ZBTB7C: variants seen among roughly 807,000 people sequenced by gnomAD.
The protein encoded by ZBTB7C is zinc finger and BTB domain containing 7C.
A neutral mutation model predicts 25.7 loss-of-function variants in ZBTB7C; 8 were observed. The observed-to-expected ratio is 0.31, with a 90% CI of 0.18 to 0.56. The LOEUF (loss-of-function observed/expected upper bound fraction) is 0.56. ZBTB7C is among the 20% of genes least tolerant of loss of function. The probability of loss-of-function intolerance (pLI) is 0.91; values close to 1 mark genes in which losing one functional copy is unlikely to be tolerated. For synonymous variants in ZBTB7C, 394 were observed against 369.0 expected, an observed-to-expected ratio of 1.07 and a Z score of -0.78; for missense variants, 824 against 855.2, an observed-to-expected ratio of 0.96 and a Z score of 0.46.
rs1434081332 is a variant in ZBTB7C, at chr18:48,027,933, C to T, written c.*1327G>A. The T allele has an allele frequency of 6.6e-6, 1 of 152,246 alleles. No homozygotes were observed. The highest frequency in any genetic ancestry group is 1.5e-5 in the Non-Finnish European group (1 of 68,092). The allele number at this position is 152,246 out of a possible 1,614,324, so 9.4% of individuals were successfully genotyped here. Reference sequence around the variant, plus strand: ...GAGAACATGTGACAACTCTAACTCACAGAGCCCTTCAAACCTCAGAGGCCT... The same window carrying T: ...GAGAACATGTGACAACTCTAACTCATAGAGCCCTTCAAACCTCAGAGGCCT... On this transcript the variant is annotated 3_prime_UTR_variant, in exon 5 of 5. Coordinates refer to ENST00000590800, the MANE Select transcript of ZBTB7C (RefSeq NM_001318841.2).
intron 3 of ZBTB7C, among the ~76,000 whole-genome samples, chr18:48,070,621 G>A (rs981384003): frequency 8.5e-5 from 13 of 152,180 alleles, no homozygotes; most frequent in East Asian, 3.8e-4. Flanking sequence ...CAAGGAGGCC[G>A]TAGTTTGCAT....
At chr18:48,391,599 C>G (rs764549472) in intron 1 of ZBTB7C, among the ~76,000 whole-genome samples, 1 of 151,510 alleles carries the variant, frequency 6.6e-6, no homozygotes, top group Non-Finnish European at 1.5e-5. Flanking sequence ...TATTCTGATC[C>G]TCAGCTGTTA....
In ZBTB7C at chr18:48,196,985, G is replaced by T. The variant is rs73431397; in HGVS notation, c.-78-10990C>A. Among the ~76,000 whole-genome samples the T allele has an allele frequency of 6.0e-3, 913 of 152,308 alleles. 6 individuals are homozygous for T. The highest frequency in any genetic ancestry group is 0.02 in the African/African-American group (832 of 41,568). ...CCCACAACCAATGTGTTTCAGGGGT[G>T]GGTCATGGTTGGCTTAAGTGAATCA... On this transcript the variant is annotated intron_variant, in intron 2 of 4. Transcript: ENST00000590800.
At chr18:48,137,894 C>A (rs2040225121) in intron 3 of ZBTB7C, among the ~76,000 whole-genome samples, 1 of 152,274 alleles carries the variant, frequency 6.6e-6, no homozygotes, top group South Asian at 2.1e-4. Context: ...CTTCAAACCT[C>A]ACACAAACCT....
At chr18:48,159,290 T>C (rs953636975) in intron 3 of ZBTB7C, among the ~76,000 whole-genome samples, 6 of 152,224 alleles carry the variant, frequency 3.9e-5, no homozygotes, top group African/African-American at 1.4e-4. Context: ...GGTCTTCTAC[T>C]TAATCAACCT....
At chr18:48,255,823 C>A (rs946645614) in intron 2 of ZBTB7C, among the ~76,000 whole-genome samples, 1 of 152,128 alleles carries the variant, frequency 6.6e-6, no homozygotes, top group African/African-American at 2.4e-5. Context: ...GTAATTTTGT[C>A]TTTTTCAGAT....
chr18:48,353,477 G>C (rs549415025), intron 1 of ZBTB7C, among the ~76,000 whole-genome samples: 41 of 152,240 alleles, frequency 2.7e-4, no homozygotes, highest in Non-Finnish European at 4.6e-4. Flanking sequence ...GGCACTGTTT[G>C]GGGGAGTTTG....
chr18:48,388,315 A>AT (rs138959140), intron 1 of ZBTB7C, among the ~76,000 whole-genome samples: 6,499 of 149,874 alleles, frequency 0.043, 468 homozygotes, highest in African/African-American at 0.15. Flanking sequence ...TCTATCTTGC[A>AT]TTTTTTTTTC....
At chr18:48,224,709 C>A (rs936892784) in intron 2 of ZBTB7C, among the ~76,000 whole-genome samples, 15 of 152,186 alleles carry the variant, frequency 9.9e-5, no homozygotes, top group South Asian at 2.1e-4. Context: ...ACCCGTAAGG[C>A]CTTTTTCCCA....
chr18:48,092,790 T>C (rs1320726079), intron 3 of ZBTB7C, among the ~76,000 whole-genome samples: 5 of 152,240 alleles, frequency 3.3e-5, no homozygotes, highest in Non-Finnish European at 5.9e-5. Context: ...AAATAAGATT[T>C]GTAAGTTATT....
chr18:48,151,626 G>T (rs1057394759), intron 3 of ZBTB7C, among the ~76,000 whole-genome samples: 1 of 152,154 alleles, frequency 6.6e-6, no homozygotes, highest in Admixed American at 6.5e-5. Context: ...AACCCAGGGA[G>T]TTCTTGTTCA....
chr18:48,249,954 C>T (rs1188717642), intron 2 of ZBTB7C, among the ~76,000 whole-genome samples: 1 of 152,182 alleles, frequency 6.6e-6, no homozygotes, highest in Non-Finnish European at 1.5e-5. Flanking sequence ...TGTCCATGGC[C>T]GGCAGAGCTA....
chr18:48,403,562 G>A (rs1244633400), intron 1 of ZBTB7C, among the ~76,000 whole-genome samples: 1 of 152,148 alleles, frequency 6.6e-6, no homozygotes, highest in Non-Finnish European at 1.5e-5. Flanking sequence ...GTACATAGTC[G>A]GTAAATGAAT....
intron 1 of ZBTB7C, among the ~76,000 whole-genome samples, chr18:48,405,358 C>T (rs1207484460): frequency 6.6e-6 from 1 of 152,130 alleles, no homozygotes; most frequent in Non-Finnish European, 1.5e-5. Flanking sequence ...AATGACTCAG[C>T]TTGGAGTCAG....
At chr18:48,344,014 T>C (rs929034722) in intron 1 of ZBTB7C, among the ~76,000 whole-genome samples, 1 of 152,226 alleles carries the variant, frequency 6.6e-6, no homozygotes, top group Non-Finnish European at 1.5e-5. Flanking sequence ...AGATGGAGTC[T>C]GGCTCTGTCA....
intron 2 of ZBTB7C, among the ~76,000 whole-genome samples, chr18:48,224,017 A>G (rs2043024876): frequency 6.6e-6 from 1 of 152,216 alleles, no homozygotes; most frequent in Non-Finnish European, 1.5e-5. Context: ...GACTACAAAG[A>G]TGCTGAAGAT....
chr18:48,382,676 G>A (rs2047659649), intron 1 of ZBTB7C, among the ~76,000 whole-genome samples: 1 of 152,164 alleles, frequency 6.6e-6, no homozygotes, highest in Admixed American at 6.5e-5. Flanking sequence ...AAAGTCACAC[G>A]AATGACTTTG....
chr18:48,328,130 C>T (rs904284613), intron 2 of ZBTB7C, among the ~76,000 whole-genome samples: 13 of 143,438 alleles, frequency 9.1e-5, no homozygotes, highest in South Asian at 8.7e-4. Context: ...TGCAGTGAGC[C>T]GAGATTGCAC....
intron 3 of ZBTB7C, among the ~76,000 whole-genome samples, chr18:48,107,022 T>A (rs2039054274): frequency 6.7e-6 from 1 of 148,780 alleles, no homozygotes; most frequent in African/African-American, 2.5e-5. Context: ...AGGAAACGAG[T>A]GGAGGTTTAA....
Sources: gnomAD v4.1 joint callset for allele counts (sites outside exome capture counted in the v4.1 genomes callset) on GRCh38, gnomAD v4.1.1 for gene constraint, MANE v1.5 for transcripts, NCBI Gene and HGNC (gene_info 2026-07-23, HGNC 2026-07-21) for gene names.